CLSTN2: variants seen among roughly 807,000 people sequenced by gnomAD.
The protein encoded by CLSTN2 is calsyntenin 2, also known as calsyntenin-2.
A neutral mutation model predicts 101.2 loss-of-function variants in CLSTN2; 48 were observed. The ratio of observed to expected loss-of-function variants is 0.47; its 90% CI spans 0.38 to 0.60. The LOEUF is 0.60. CLSTN2 is among the 20% of genes least tolerant of loss of function. CLSTN2 has a pLI of 0.00. For synonymous variants in CLSTN2, 481 were observed against 463.6 expected, an observed-to-expected ratio of 1.04 and a Z score of -0.48; for missense variants, 1,160 against 1,238.2, an observed-to-expected ratio of 0.94 and a Z score of 0.95.
At chr3:140,121,501 A>G (rs554065040) in intron 1 of CLSTN2, among the ~76,000 whole-genome samples, 3 of 152,318 alleles carry the variant, frequency 2.0e-5, no homozygotes, top group Non-Finnish European at 2.9e-5. Context: ...GACTCAACAT[A>G]TAGTAAGCTT....
At chr3:140,082,478 C>T (rs1187425380) in intron 1 of CLSTN2, among the ~76,000 whole-genome samples, 1 of 152,144 alleles carries the variant, frequency 6.6e-6, no homozygotes, top group Non-Finnish European at 1.5e-5. Flanking sequence ...ATATCTCCAT[C>T]GTGCCTCATT....
At chr3:140,055,907 G>A (rs1040763537) in intron 1 of CLSTN2, among the ~76,000 whole-genome samples, 4 of 152,192 alleles carry the variant, frequency 2.6e-5, no homozygotes, top group African/African-American at 9.7e-5. Context: ...CTACATGAAA[G>A]AGCTGGATGC....
At chr3:140,521,323 T>C (rs1193583231) in intron 8 of CLSTN2, among the ~76,000 whole-genome samples, 1 of 152,204 alleles carries the variant, frequency 6.6e-6, no homozygotes, top group Non-Finnish European at 1.5e-5. Flanking sequence ...TTTTTGTTGA[T>C]GTTATTTTCT....
Position 140,421,207 on chromosome 3 carries a change from G to A in CLSTN2, c.720G>A (p.Gln240=). The change falls in exon 5 of 17, where the codon CAG becomes CAA. Residue 240 remains glutamine, a synonymous_variant. Coordinates refer to ENST00000458420, the MANE Select transcript of CLSTN2 (RefSeq NM_022131.3). Reference sequence around the variant, plus strand: ...TGGTGACCGCCTACGACTGTGGACAGAAGCCCGCTGCTCAGGACACCCTGG... The same window carrying A: ...TGGTGACCGCCTACGACTGTGGACAAAAGCCCGCTGCTCAGGACACCCTGG... The part of the protein sequence containing the change: ...EILVTAYDCG[Q]KPAAQDTLVQ... 6.2e-7 allele frequency: 1 copy of A among 1,614,228 alleles called. No individual in the cohort carries two copies.
intron 1 of CLSTN2, among the ~76,000 whole-genome samples, chr3:140,174,417 T>G (rs1168924492): frequency 2.6e-5 from 4 of 152,198 alleles, no homozygotes. Context: ...TTTTCCTGTC[T>G]TCTTCTGAGC....
intron 2 of CLSTN2, among the ~76,000 whole-genome samples, chr3:140,294,952 G>A (rs1347106953): frequency 6.6e-6 from 1 of 152,038 alleles, no homozygotes; most frequent in African/African-American, 2.4e-5. Flanking sequence ...CATTCACAAC[G>A]GTTTTGTCCT....
intron 1 of CLSTN2, among the ~76,000 whole-genome samples, chr3:140,070,807 T>C (rs751321089): frequency 5.3e-5 from 8 of 152,204 alleles, no homozygotes; most frequent in Admixed American, 1.3e-4. Flanking sequence ...AAAATTTTAT[T>C]AGAACACAGC....
At chr3:140,468,886 G>A (rs1363003093) in intron 8 of CLSTN2, among the ~76,000 whole-genome samples, 3 of 152,142 alleles carry the variant, frequency 2.0e-5, no homozygotes, top group Non-Finnish European at 4.4e-5. Context: ...CCTATTCTTT[G>A]TCAGCTCAGG....
intron 4 of CLSTN2, among the ~76,000 whole-genome samples, chr3:140,407,576 G>C (rs527488930): frequency 6.6e-6 from 1 of 152,324 alleles, no homozygotes; most frequent in African/African-American, 2.4e-5. Context: ...GGCATAGAGA[G>C]AGCACTCAAT....
At chr3:140,353,722 T>A (rs922710100) in intron 2 of CLSTN2, among the ~76,000 whole-genome samples, 2 of 152,344 alleles carry the variant, frequency 1.3e-5, no homozygotes, top group Non-Finnish European at 2.9e-5. Flanking sequence ...TAATGCTTAC[T>A]GAGATGGCCA....
At chr3:140,526,912 T>G (rs928981759) in intron 8 of CLSTN2, among the ~76,000 whole-genome samples, 2 of 152,142 alleles carry the variant, frequency 1.3e-5, no homozygotes, top group Non-Finnish European at 2.9e-5. Context: ...GACTCCTACC[T>G]CTCACCATAT....
intron 2 of CLSTN2, among the ~76,000 whole-genome samples, chr3:140,199,068 C>A (rs2010685211): frequency 6.6e-6 from 1 of 152,182 alleles, no homozygotes; most frequent in African/African-American, 2.4e-5. Flanking sequence ...TAACTCTGAG[C>A]CTTTCTCTCA....
chr3:139,993,167 T>C (rs940288615), intron 1 of CLSTN2, among the ~76,000 whole-genome samples: 1 of 152,044 alleles, frequency 6.6e-6, no homozygotes, highest in Non-Finnish European at 1.5e-5. Flanking sequence ...CATTCCCTCA[T>C]AGGGAGATCC....
chr3:140,091,991 T>C (rs2008786603), intron 1 of CLSTN2, among the ~76,000 whole-genome samples: 1 of 152,200 alleles, frequency 6.6e-6, no homozygotes. Context: ...CAAGTCTGGC[T>C]GTGCCTCAAT....
chr3:140,306,176 G>T (rs1389907109), intron 2 of CLSTN2, among the ~76,000 whole-genome samples: 1 of 152,164 alleles, frequency 6.6e-6, no homozygotes, highest in Non-Finnish European at 1.5e-5. Flanking sequence ...CACATTCTGT[G>T]TATCCCCTTT....
intron 1 of CLSTN2, among the ~76,000 whole-genome samples, chr3:140,107,204 C>G (rs2009074466): frequency 6.6e-6 from 1 of 152,190 alleles, no homozygotes; most frequent in Non-Finnish European, 1.5e-5. Context: ...TTGGGAGCCT[C>G]CACATCCTGT....
intron 8 of CLSTN2, among the ~76,000 whole-genome samples, chr3:140,503,428 C>G (rs1159737086): frequency 2.0e-5 from 3 of 152,192 alleles, no homozygotes; most frequent in Admixed American, 2.0e-4. Flanking sequence ...ACATCCTGTA[C>G]AGGTCCATAG....
Position 140,525,805 on chromosome 3 carries a change from G to A in CLSTN2, c.1345-6519G>A, listed in dbSNP as rs1049161933. Among the ~76,000 whole-genome samples the A allele has an allele frequency of 1.3e-4, 20 of 151,886 alleles. 1 individual carries two copies. Among genetic ancestry groups the A allele is most frequent in the Admixed American group, 1.3e-3 (20 of 15,254 alleles). On this transcript the variant is annotated intron_variant, in intron 8 of 16. Coordinates refer to ENST00000458420, the MANE Select transcript of CLSTN2 (RefSeq NM_022131.3). ...AATCTATAAATGTGATTCACCATGT[G>A]AACAGAATCAAAAACCACACAATTA...
chr3:140,402,316 A>C (rs531933741), intron 2 of CLSTN2, among the ~76,000 whole-genome samples: 1 of 152,228 alleles, frequency 6.6e-6, no homozygotes, highest in Non-Finnish European at 1.5e-5. Flanking sequence ...TAGAAAGTAC[A>C]TGGACTTAGG....
Sources: gnomAD v4.1 joint callset for allele counts (sites outside exome capture counted in the v4.1 genomes callset) on GRCh38, gnomAD v4.1.1 for gene constraint, MANE v1.5 for transcripts, NCBI Gene and HGNC (gene_info 2026-07-23, HGNC 2026-07-21) for gene names.